FES: variants seen among roughly 807,000 people sequenced by gnomAD.
The protein encoded by FES is FES proto-oncogene, tyrosine kinase.
A neutral mutation model predicts 109.6 loss-of-function variants in FES; 83 were observed. That is an observed-to-expected ratio of 0.76 (90% CI 0.63 to 0.91). The LOEUF (loss-of-function observed/expected upper bound fraction) is 0.91. FES is among the 40% of genes least tolerant of loss of function. FES has a pLI of 0.00. For missense variants in FES, 943 were observed against 1,070.9 expected, an observed-to-expected ratio of 0.88 and a Z score of 1.67; for synonymous variants, 458 against 442.1, an observed-to-expected ratio of 1.04 and a Z score of -0.45.
At chr15:90,890,526 G>C (rs376636537) in intron 10 of FES, 42 bp downstream of exon 10, 2 of 1,563,586 alleles carry the variant, frequency 1.3e-6, no homozygotes, top group Non-Finnish European at 8.8e-7. Context: ...GTTGTGTTTC[G>C]AGTTTAATCA....
At chr15:90,886,603 A>G (rs984607146) in intron 3 of FES, among the ~76,000 whole-genome samples, 21 of 152,332 alleles carry the variant, frequency 1.4e-4, no homozygotes, top group African/African-American at 4.8e-4. Context: ...AAAGATTGCT[A>G]GGAATTTCCA....
chr15:90,890,848 TG>T, intron 10 of FES, 133 bp from the exon 11 acceptor site: 1 of 897,434 alleles, frequency 1.1e-6, no homozygotes, highest in Non-Finnish European at 1.7e-6. Flanking sequence ...CAGGGGCCTG[TG>T]GATGGCTCTG....
At position 90,885,425 on chromosome 15, in the gene FES, TCA is replaced by T. The variant is rs2032495175; in HGVS notation, c.229_230del (p.Thr77GlnfsTer4). On this transcript the variant is annotated frameshift_variant, in exon 3 of 19. Coordinates refer to ENST00000328850, the MANE Select transcript of FES (RefSeq NM_002005.4). LOFTEE classifies it high-confidence loss of function. ...TGTGCTGTATAGTCCTGGGCTGAGA[TCA>T]CCAGCCAAACTGAGGGCCTGAGCCG... The T allele has an allele frequency of 6.2e-7, 1 of 1,612,706 alleles. No homozygotes were observed.
At chr15:90,887,677 G>A (rs4932179) in intron 5 of FES, among the ~76,000 whole-genome samples, 52,047 of 152,050 alleles carry the variant, frequency 0.34, 10,821 homozygotes, top group East Asian at 0.79. Flanking sequence ...GTGGAGTGAG[G>A]ATGTGAGGAG....
At position 90,887,027 on chromosome 15, in the gene FES, GC is replaced by G; in HGVS notation, c.456del (p.Lys153SerfsTer71). On this transcript the variant is annotated frameshift_variant, in exon 4 of 19. Transcript: ENST00000328850. LOFTEE classifies it high-confidence loss of function. Reference sequence around the variant, plus strand: ...AGCTCTGGCACGGGACAGTGCCCAAGCCAAGCGCAAGTACCAGGAGGCCAGC... The same window carrying G: ...AGCTCTGGCACGGGACAGTGCCCAAGCAAGCGCAAGTACCAGGAGGCCAGC... ...YRALARDSAQ[A>X]KRKYQEASKD... 6.2e-7 allele frequency: 1 copy of G among 1,614,176 alleles called. No homozygotes were observed. Among genetic ancestry groups the G allele is most frequent in the Non-Finnish European group, 8.5e-7 (1 of 1,180,036 alleles).
In FES at chr15:90,889,204, G is replaced by T; in HGVS notation, c.669-102G>T. ...ATGGCTAGCTCGAAGTGAGGCAGGG[G>T]TCAACCCCAGCCCTGACTCCAAACC... On this transcript the variant is annotated intron_variant, in intron 5 of 18. Coordinates refer to ENST00000328850, the MANE Select transcript of FES (RefSeq NM_002005.4). This position sits in a 1 kb window ranked among gnomAD's most constrained non-coding sequence, Gnocchi z 6.1. The T allele has an allele frequency of 6.7e-7, 1 of 1,503,120 alleles. No individual in the cohort carries two copies. The highest frequency in any genetic ancestry group is 9.0e-7 in the Non-Finnish European group (1 of 1,115,922). 93.1% of individuals were successfully genotyped at this position (1,503,120 alleles called of 1,614,324 possible).
At chr15:90,894,917 A>T (rs1284001603) in intron 18 of FES, among the ~76,000 whole-genome samples, 2 of 152,058 alleles carry the variant, frequency 1.3e-5, no homozygotes, top group African/African-American at 2.4e-5. Flanking sequence ...AATACAAAAA[A>T]TTAGCGAGGT....
intron 3 of FES, 37 bp from the exon 4 acceptor site, chr15:90,886,923 GA>G: frequency 2.5e-6 from 4 of 1,594,112 alleles, no homozygotes; most frequent in Non-Finnish European, 2.6e-6. Flanking sequence ...CACAACTGGG[GA>G]CCTGCTGCCC....
intron 3 of FES, among the ~76,000 whole-genome samples, chr15:90,886,481 T>C (rs1174372283): frequency 6.6e-6 from 1 of 152,182 alleles, no homozygotes; most frequent in Non-Finnish European, 1.5e-5. Flanking sequence ...TCCCAGCACA[T>C]AAACAGGAGA....
Position 90,893,206 on chromosome 15 carries a change from G to A in FES, c.1921+12G>A, listed in dbSNP as rs758947708. On this transcript the variant is annotated intron_variant, in intron 15 of 18. Coordinates refer to ENST00000328850, the MANE Select transcript of FES (RefSeq NM_002005.4). ...GGAGCTTGTGCAGGGTGAGCGCGGG[G>A]CGCTGAGCTCCAGGTAGGGCGCGCA... The A allele has an allele frequency of 1.9e-6, 3 of 1,613,678 alleles. No individual in the cohort carries two copies. In the Admixed American group the frequency reaches 5.0e-5, roughly 27 times the overall value.
In FES at chr15:90,895,506, G is replaced by C. The variant is rs767528598; in HGVS notation, c.2417G>C (p.Ser806Thr). 2.5e-6 allele frequency: 4 copies of C among 1,598,344 alleles called. No homozygotes were observed. The African/African-American group carries it at 5.4e-5, about 21-fold the overall frequency. The change falls in exon 19 of 19, where the codon AGC becomes ACC. Residue 806 changes from serine (S) to threonine (T), a missense_variant. Physicochemically the swap from Ser to Thr is moderately conservative, Grantham distance 58. Coordinates refer to ENST00000328850, the MANE Select transcript of FES (RefSeq NM_002005.4). ...GCCTATGAGCCTGGGCAGCGGCCCA[G>C]CTTCAGCACCATCTACCAGGAGCTG... Reference protein sequence around the residue: ...CWAYEPGQRPSFSTIYQELQS... With the variant: ...CWAYEPGQRPTFSTIYQELQS...
At position 90,890,047 on chromosome 15, in the gene FES, C is replaced by A. The variant is rs370382976; in HGVS notation, c.1050-45C>A. ...CTGCTGCTGGCTACCCGCCGCAGACCGAGCCCTTATTCTCATCCACCCTCC... is the reference window on the plus strand; with the variant it reads ...CTGCTGCTGGCTACCCGCCGCAGACAGAGCCCTTATTCTCATCCACCCTCC... On this transcript the variant is annotated intron_variant, in intron 8 of 18. Coordinates refer to ENST00000328850, the MANE Select transcript of FES (RefSeq NM_002005.4). 1.9e-6 allele frequency: 3 copies of A among 1,576,504 alleles called. No homozygotes were observed. The Admixed American group carries it at 5.2e-5, about 27-fold the overall frequency.
At position 90,889,463 on chromosome 15, in the gene FES, C is replaced by G; in HGVS notation, c.806+20C>G. 1.2e-6 allele frequency: 2 copies of G among 1,613,916 alleles called. No individual in the cohort carries two copies. The highest frequency in any genetic ancestry group is 1.7e-6 in the Non-Finnish European group (2 of 1,179,946). ...GTATGGGTAAGCCCCGTCCTTGCTC[C>G]TGCTGGGCCCAGGGCTGCTGGCCTG... is the stretch of plus-strand genomic sequence containing the variant. On this transcript the variant is annotated intron_variant, in intron 6 of 18. Coordinates refer to ENST00000328850, the MANE Select transcript of FES (RefSeq NM_002005.4). This position sits in a 1 kb window ranked among gnomAD's most constrained non-coding sequence, Gnocchi z 6.1.
chr15:90,892,569 T>C, intron 13 of FES, 138 bp from the exon 14 acceptor site: 1 of 730,126 alleles, frequency 1.4e-6, no homozygotes, highest in Non-Finnish European at 2.2e-6. Flanking sequence ...CCAGCGAGGG[T>C]CAAACTCCCA....
At chr15:90,890,798 C>A (rs1567099037) in intron 10 of FES, among the ~76,000 whole-genome samples, 184 bp from the exon 11 acceptor site, 1 of 152,118 alleles carries the variant, frequency 6.6e-6, no homozygotes, top group African/African-American at 2.4e-5. Flanking sequence ...CCCTTCCCAG[C>A]TCTGCCCAGC....
At position 90,895,435 on chromosome 15, in the gene FES, A is replaced by G. The variant is rs1310864058; in HGVS notation, c.2346A>G (p.Pro782=). The part of the protein sequence containing the change: ...FVEKGGRLPC[P]ELCPDAVFRL... ...TCACAGGGGGCCGTCTGCCCTGCCC[A>G]GAGCTGTGTCCTGATGCCGTGTTCA... Residue 782 remains proline (P), a synonymous_variant, in exon 19 of 19, where the codon CCA becomes CCG. Transcript: ENST00000328850. 1.4e-5 allele frequency: 22 copies of G among 1,572,198 alleles called. No individual in the cohort carries two copies. The highest frequency in any genetic ancestry group is 2.7e-5 in the African/African-American group (2 of 73,310).
At chr15:90,885,323 C>A in intron 2 of FES, 65 bp downstream of exon 2, 1 of 1,598,316 alleles carries the variant, frequency 6.3e-7, no homozygotes, top group Non-Finnish European at 8.5e-7. Flanking sequence ...CTCCTGGGGG[C>A]CCTCTGGGGC....
chr15:90,893,593 G>A, intron 16 of FES, 61 bp from the exon 17 acceptor site: 2 of 1,521,390 alleles, frequency 1.3e-6, no homozygotes, highest in Non-Finnish European at 1.8e-6. Context: ...TTCCTAGAGT[G>A]TTCAGCCAGG....
rs748465157 is a variant in FES, at chr15:90,889,506, G to A, written c.807-11G>A. Reference sequence around the variant, plus strand: ...CTGGCCTGTCCACTGACGGGGCGCTGTCCCCCACAGGTCCGCACCTGACGT... The same window carrying A: ...CTGGCCTGTCCACTGACGGGGCGCTATCCCCCACAGGTCCGCACCTGACGT... On this transcript the variant is annotated splice_polypyrimidine_tract_variant and intron_variant, in intron 6 of 18. Coordinates refer to ENST00000328850, the MANE Select transcript of FES (RefSeq NM_002005.4). This position sits in a 1 kb window ranked among gnomAD's most constrained non-coding sequence, Gnocchi z 6.1. 1 of 1,613,890 alleles carries A rather than the reference G, an allele frequency of 6.2e-7. No homozygotes were observed. The highest frequency in any genetic ancestry group is 1.7e-5 in the Admixed American group (1 of 60,018).
Sources: gnomAD v4.1 joint callset for allele counts (sites outside exome capture counted in the v4.1 genomes callset) on GRCh38, gnomAD v4.1.1 for gene constraint, Gnocchi (gnomAD v3.1) non-coding constraint, MANE v1.5 for transcripts, NCBI Gene and HGNC (gene_info 2026-07-23, HGNC 2026-07-21) for gene names.